DLG2: variants seen among roughly 807,000 people sequenced by gnomAD.
DLG2 encodes discs large MAGUK scaffold protein 2.
In DLG2, 45 loss-of-function variants were observed where a neutral mutation model predicts 132.5. The ratio of observed to expected loss-of-function variants is 0.34; its 90% CI spans 0.27 to 0.44. DLG2 has a LOEUF of 0.44. Among genes scored for constraint, DLG2 ranks in the 20% least tolerant of loss-of-function variants. The probability of loss-of-function intolerance (pLI) is 1.00; values close to 1 mark genes in which losing one functional copy is unlikely to be tolerated. For synonymous variants in DLG2, 424 were observed against 419.6 expected, an observed-to-expected ratio of 1.01 and a Z score of -0.13; for missense variants, 1,045 against 1,196.9, an observed-to-expected ratio of 0.87 and a Z score of 1.87.
At chr11:84,222,663 A>G (rs911966592) in intron 8 of DLG2, among the ~76,000 whole-genome samples, 2 of 152,176 alleles carry the variant, frequency 1.3e-5, no homozygotes, top group African/African-American at 4.8e-5. Context: ...TGAGAACCTG[A>G]GGCTCACCTG....
At chr11:85,128,501 T>C (rs2152397285) in intron 5 of DLG2, among the ~76,000 whole-genome samples, 1 of 152,316 alleles carries the variant, frequency 6.6e-6, no homozygotes, top group East Asian at 1.9e-4. Context: ...TTTTTTCTGT[T>C]CTTATATCAA....
At chr11:84,885,818 G>A (rs1222304453) in intron 6 of DLG2, among the ~76,000 whole-genome samples, 7 of 150,962 alleles carry the variant, frequency 4.6e-5, no homozygotes, top group African/African-American at 1.7e-4. Flanking sequence ...GCACTGGTTA[G>A]AAGGAATTTC....
At chr11:84,995,682 T>C (rs1342289566) in intron 6 of DLG2, among the ~76,000 whole-genome samples, 1 of 152,174 alleles carries the variant, frequency 6.6e-6, no homozygotes, top group African/African-American at 2.4e-5. Flanking sequence ...ATATTATGGT[T>C]AGAAATAATA....
chr11:84,447,286 A>C (rs1783823462), intron 7 of DLG2, among the ~76,000 whole-genome samples: 1 of 152,226 alleles, frequency 6.6e-6, no homozygotes, highest in African/African-American at 2.4e-5. Flanking sequence ...TATTTGGAGT[A>C]GTTCTGGCAC....
intron 19 of DLG2, among the ~76,000 whole-genome samples, chr11:83,603,309 A>G (rs2058844956): frequency 6.6e-6 from 1 of 152,122 alleles, no homozygotes; most frequent in Admixed American, 6.6e-5. Context: ...ATTAGGGTAA[A>G]TCATCCTCTA....
intron 6 of DLG2, among the ~76,000 whole-genome samples, chr11:84,859,693 T>G (rs181931432): frequency 5.9e-5 from 9 of 152,076 alleles, no homozygotes; most frequent in Non-Finnish European, 1.5e-5. Context: ...CTTTCCATTC[T>G]ACAAAGTTCT....
At chr11:84,642,117 A>AGTGTGTGTGTGTGTGTGTATATGTAGAGT (rs1555124570) in intron 6 of DLG2, among the ~76,000 whole-genome samples, 2 of 138,734 alleles carry the variant, frequency 1.4e-5, no homozygotes, top group African/African-American at 2.7e-5. Flanking sequence ...GTATATGTAG[A>AGTGTGTGTGTGTGTGTGTATATGTAGAGT]GTGTGTGTGT....
At chr11:85,234,958 T>C (rs899679782) in intron 4 of DLG2, among the ~76,000 whole-genome samples, 3 of 151,990 alleles carry the variant, frequency 2.0e-5, no homozygotes, top group Non-Finnish European at 4.4e-5. Flanking sequence ...ATCGTGTTAC[T>C]ATATATGCAT....
chr11:84,760,389 A>C (rs2067451385), intron 6 of DLG2, among the ~76,000 whole-genome samples: 1 of 152,224 alleles, frequency 6.6e-6, no homozygotes, highest in Admixed American at 6.5e-5. Context: ...AAGTCCCCAT[A>C]ACCATTTAGT....
chr11:84,286,178 G>A (rs1223897836), intron 7 of DLG2, among the ~76,000 whole-genome samples: 6 of 151,936 alleles, frequency 3.9e-5, no homozygotes, highest in Non-Finnish European at 7.4e-5. Context: ...TCTTTATCAC[G>A]TGTTGTCCTT....
chr11:84,491,447 C>T (rs956128007), intron 7 of DLG2, among the ~76,000 whole-genome samples: 13 of 152,206 alleles, frequency 8.5e-5, no homozygotes, highest in African/African-American at 3.1e-4. Context: ...TAAACCTCTT[C>T]CTTCTGTAAA....
intron 4 of DLG2, among the ~76,000 whole-genome samples, chr11:85,216,016 A>AC (rs933030175): frequency 4.6e-5 from 7 of 151,394 alleles, no homozygotes; most frequent in Admixed American, 1.3e-4. Flanking sequence ...TGGAAGTTAA[A>AC]AAAAAAAAAA....
chr11:83,480,439 A>C, intron 22 of DLG2: 1 of 1,533,792 alleles, frequency 6.5e-7, no homozygotes, highest in South Asian at 1.2e-5. Flanking sequence ...AGCAAATTAA[A>C]GAGATACCAA....
intron 6 of DLG2, among the ~76,000 whole-genome samples, chr11:84,640,845 CAGG>C (rs1205349194): frequency 6.6e-6 from 1 of 151,364 alleles, no homozygotes; most frequent in Non-Finnish European, 1.5e-5. Flanking sequence ...GAGGCTGAGG[CAGG>C]AGAATTGCTT....
chr11:84,523,807 T>C (rs1012319222), intron 7 of DLG2, among the ~76,000 whole-genome samples: 1 of 152,242 alleles, frequency 6.6e-6, no homozygotes, highest in African/African-American at 2.4e-5. Flanking sequence ...TGCAGCTACA[T>C]ATAATCACTA....
chr11:83,749,228 G>A (rs991363203), intron 18 of DLG2, among the ~76,000 whole-genome samples: 1 of 152,154 alleles, frequency 6.6e-6, no homozygotes, highest in Non-Finnish European at 1.5e-5. Flanking sequence ...TGCCAGAGAG[G>A]CAACCTTTTT....
chr11:85,305,992 T>C (rs1402057052), intron 3 of DLG2, among the ~76,000 whole-genome samples: 1 of 152,188 alleles, frequency 6.6e-6, no homozygotes, highest in Non-Finnish European at 1.5e-5. Flanking sequence ...AGAATCCAAC[T>C]TGGGTTTGAG....
intron 11 of DLG2, among the ~76,000 whole-genome samples, chr11:84,047,628 T>C (rs915823701): frequency 5.3e-5 from 8 of 151,670 alleles, no homozygotes; most frequent in Admixed American, 1.3e-4. Context: ...TTTAGTACAG[T>C]GCAATTATTT....
intron 6 of DLG2, among the ~76,000 whole-genome samples, chr11:85,045,419 A>T (rs1566724875): frequency 6.6e-6 from 1 of 152,076 alleles, no homozygotes; most frequent in Non-Finnish European, 1.5e-5. Flanking sequence ...ACAGATGGGA[A>T]TATGCAAAAG....
Sources: allele counts gnomAD v4.1 joint callset (sites outside exome capture counted in the v4.1 genomes callset), GRCh38; gene constraint gnomAD v4.1.1; transcripts MANE v1.5; gene names NCBI Gene and HGNC (gene_info 2026-07-23, HGNC 2026-07-21).